LCOR: variants seen among roughly 807,000 people sequenced by gnomAD.
The protein encoded by LCOR is ligand-dependent corepressor.
In LCOR, 14 loss-of-function variants were observed where a neutral mutation model predicts 64.4. The ratio of observed to expected loss-of-function variants is 0.22; its 90% CI spans 0.14 to 0.34. The LOEUF (loss-of-function observed/expected upper bound fraction) is 0.34, where lower values mean the gene tolerates loss of function less well. Among genes scored for constraint, LCOR ranks in the 10% least tolerant of loss-of-function variants. The pLI is 1.00. For synonymous variants in LCOR, 643 were observed against 642.5 expected (o/e 1.00, Z -0.01); for missense variants, 1,686 against 1,765.3 (o/e 0.96, Z 0.80).
rs537948669 is a variant in LCOR at position 96,852,291 on chromosome 10, G to A, written c.-330+18812G>A. Among the ~76,000 whole-genome samples, 69 of 152,022 alleles carry A rather than the reference G, an allele frequency of 4.5e-4. 1 individual carries two copies. The highest frequency in any genetic ancestry group is 1.4e-3 in the African/African-American group (57 of 41,474). ...AAAGAAATTAGCCCAGTCTGGTGGC[G>A]CATGCCTGTAGTCCCAGCTGTTTGG... On this transcript the variant is annotated intron_variant, in intron 2 of 7. Coordinates refer to ENST00000421806, the MANE Select transcript of LCOR (RefSeq NM_001346516.2).
chr10:96,885,695 TA>T (rs1846331406), intron 2 of LCOR, among the ~76,000 whole-genome samples: 1 of 151,554 alleles, frequency 6.6e-6, no homozygotes, highest in African/African-American at 2.4e-5. Flanking sequence ...CTCACCTGGC[TA>T]AATGTTTTTT....
rs1349164043 is a variant in LCOR, at chr10:96,980,931, A to G, written c.471A>G (p.Gln157=). 7.1e-6 allele frequency: 5 copies of G among 702,866 alleles called. No individual in the cohort carries two copies. Among genetic ancestry groups the G allele is most frequent in the Non-Finnish European group, 7.8e-6 (3 of 385,004 alleles). The allele number at this position is 702,866 out of a possible 1,614,324, so 43.5% of individuals were successfully genotyped here. A position where few individuals can be genotyped will look rare whatever the true frequency, so the allele number is the denominator to read the frequency against. ...RVLNDLYTES[Q]PGTEDLQPSD... is the part of the protein sequence containing the mutation. ...TGAACGACCTGTACACTGAATCTCA[A>G]CCAGGCACTGAGGACCTGCAGCCTT... Residue 157 remains glutamine, a synonymous_variant, in exon 8 of 8, where the codon CAA becomes CAG. Transcript: ENST00000421806.
chr10:96,892,600 T>C (rs1307012803), intron 2 of LCOR, among the ~76,000 whole-genome samples: 1 of 152,168 alleles, frequency 6.6e-6, no homozygotes, highest in Non-Finnish European at 1.5e-5. Context: ...ATGAGGACAC[T>C]GCCCTTATTT....
intron 2 of LCOR, among the ~76,000 whole-genome samples, chr10:96,849,454 C>T (rs1845689797): frequency 6.6e-6 from 1 of 152,172 alleles, no homozygotes; most frequent in East Asian, 1.9e-4. Flanking sequence ...AGGTGATTGG[C>T]CCGCCTCGGC....
At chr10:96,978,363 T>A (rs1472297276) in intron 7 of LCOR, among the ~76,000 whole-genome samples, 1 of 152,382 alleles carries the variant, frequency 6.6e-6, no homozygotes, top group East Asian at 1.9e-4. Flanking sequence ...GCTGCCTTTT[T>A]AAAACTTTTA....
chr10:96,838,363 C>G (rs1057435135), intron 2 of LCOR, among the ~76,000 whole-genome samples: 1 of 152,140 alleles, frequency 6.6e-6, no homozygotes, highest in African/African-American at 2.4e-5. Context: ...CTCAAGTGAT[C>G]CTCCTGCCTC....
chr10:96,979,734 C>T (rs1322068241), intron 7 of LCOR, among the ~76,000 whole-genome samples: 1 of 152,222 alleles, frequency 6.6e-6, no homozygotes, highest in Non-Finnish European at 1.5e-5. Context: ...CTTGTCATCT[C>T]ACCATTTAAA....
chr10:96,921,673 AGGCT>A (rs1847084473), intron 4 of LCOR, among the ~76,000 whole-genome samples: 2 of 152,174 alleles, frequency 1.3e-5, no homozygotes, highest in Non-Finnish European at 2.9e-5. Context: ...CATGTTGGCC[AGGCT>A]GGTCTCAAAC....
At chr10:96,857,235 TAAG>T (rs1845821542) in intron 2 of LCOR, among the ~76,000 whole-genome samples, 1 of 152,186 alleles carries the variant, frequency 6.6e-6, no homozygotes, top group African/African-American at 2.4e-5. Flanking sequence ...ATGATTTAAG[TAAG>T]TAGAAGAGTT....
intron 2 of LCOR, among the ~76,000 whole-genome samples, chr10:96,885,169 G>A (rs1392109203): frequency 6.6e-6 from 1 of 152,150 alleles, no homozygotes; most frequent in Non-Finnish European, 1.5e-5. Context: ...TTTGGCTTTA[G>A]TATATACTTA....
At position 96,992,585 on chromosome 10, in the gene LCOR, T is replaced by C. The variant is rs1196448749; in HGVS notation, c.*7451T>C. 2.0e-5 allele frequency: 3 copies of C among 152,196 alleles called. No homozygotes were observed. The highest frequency in any genetic ancestry group is 2.9e-5 in the Non-Finnish European group (2 of 68,048). The allele number at this position is 152,196 out of a possible 1,614,324, so 9.4% of individuals were successfully genotyped here. A position where few individuals can be genotyped will look rare whatever the true frequency, so the allele number is the denominator to read the frequency against. On this transcript the variant is annotated 3_prime_UTR_variant, in exon 8 of 8. Transcript: ENST00000421806. ...CAGGCATGGCATCGGGTGTGCCCCA[T>C]GCAGCCTACTTCTTGCATGCACAGT...
chr10:96,984,635 A>AATTT lies in LCOR; in HGVS notation c.4176_4177insTTTA (p.Ala1393PhefsTer7). On this transcript the variant is annotated frameshift_variant, in exon 8 of 8. Transcript: ENST00000421806. LOFTEE classifies it high-confidence loss of function. ...AAGCAGGTGTCTGAAATCTTGCCTA[A>AATTT]AGCAGAAGTTCAGAGTAAACGCAAG... The AATTT allele has an allele frequency of 6.2e-7, 1 of 1,614,194 alleles. No homozygotes were observed. The highest frequency in any genetic ancestry group is 8.5e-7 in the Non-Finnish European group (1 of 1,180,044).
intron 2 of LCOR, among the ~76,000 whole-genome samples, chr10:96,859,222 A>T (rs1246715435): frequency 1.3e-5 from 2 of 152,036 alleles, no homozygotes; most frequent in Non-Finnish European, 2.9e-5. Context: ...GGCAGGTATG[A>T]TGGTAAAGAT....
chr10:96,852,822 G>A (rs1282999582), intron 2 of LCOR, among the ~76,000 whole-genome samples: 3 of 151,968 alleles, frequency 2.0e-5, no homozygotes, highest in Non-Finnish European at 4.4e-5. Context: ...CTCTATTTTT[G>A]TATCATTGTT....
At chr10:96,958,669 C>G (rs369595691) in intron 7 of LCOR, 10 of 536,018 alleles carry the variant, frequency 1.9e-5, no homozygotes, top group Admixed American at 3.1e-5. Context: ...CACTTGAGAT[C>G]AGTCATGACT....
intron 7 of LCOR, among the ~76,000 whole-genome samples, chr10:96,973,479 A>AT (rs1338502240): frequency 1.3e-5 from 2 of 151,604 alleles, no homozygotes; most frequent in African/African-American, 4.9e-5. Context: ...TTGTCAGCAG[A>AT]TTTTTTCAGG....
chr10:96,843,165 C>T (rs1202272154), intron 2 of LCOR, among the ~76,000 whole-genome samples: 1 of 152,132 alleles, frequency 6.6e-6, no homozygotes, highest in Non-Finnish European at 1.5e-5. Flanking sequence ...GGTTCTGTCT[C>T]CCTGGCTGGA....
At chr10:96,862,486 A>C (rs553091202) in intron 2 of LCOR, among the ~76,000 whole-genome samples, 4 of 152,216 alleles carry the variant, frequency 2.6e-5, no homozygotes, top group African/African-American at 9.6e-5. Context: ...GGCTGGTCTC[A>C]AACTCCTGAC....
At chr10:96,839,708 C>T (rs767102936) in intron 2 of LCOR, among the ~76,000 whole-genome samples, 2 of 150,858 alleles carry the variant, frequency 1.3e-5, no homozygotes, top group Non-Finnish European at 3.0e-5. Context: ...TTTTTTGAGA[C>T]GAAGTCTGGC....
Sources: allele counts gnomAD v4.1 joint callset (sites outside exome capture counted in the v4.1 genomes callset), GRCh38; gene constraint gnomAD v4.1.1; transcripts MANE v1.5; gene names NCBI Gene and HGNC (gene_info 2026-07-23, HGNC 2026-07-21).